The following SEPTIN9 variants were observed in gnomAD, a reference collection of about 807,000 sequenced individuals.
SEPTIN9 encodes septin 9, also known as septin-9.
In SEPTIN9, 13 loss-of-function variants were observed where a neutral mutation model predicts 56.6. The observed-to-expected ratio is 0.23, with a 90% CI of 0.15 to 0.37. The LOEUF (loss-of-function observed/expected upper bound fraction) is 0.37. Among genes scored for constraint, SEPTIN9 ranks in the 10% least tolerant of loss-of-function variants. The pLI is 1.00. For synonymous variants in SEPTIN9, 332 were observed against 334.1 expected (o/e 0.99, Z 0.07); for missense variants, 650 against 823.1 (o/e 0.79, Z 2.57).
intron 2 of SEPTIN9, among the ~76,000 whole-genome samples, chr17:77,320,916 C>T (rs962873484): frequency 1.2e-4 from 19 of 152,238 alleles, no homozygotes; most frequent in East Asian, 7.7e-4. Flanking sequence ...TGTCCATTCA[C>T]GCTGGCAGCC....
chr17:77,336,767 T>C (rs986931962), intron 2 of SEPTIN9, among the ~76,000 whole-genome samples: 3 of 152,186 alleles, frequency 2.0e-5, no homozygotes, highest in Non-Finnish European at 2.9e-5. Context: ...TGAATAGTAG[T>C]GATTAGTGGA....
At position 77,325,407 on chromosome 17, in the gene SEPTIN9, C is replaced by T. The variant is rs562169094; in HGVS notation, c.76+18210C>T. ...ACGCCCAGCTGGTTCCGCTGGGTGG[C>T]GGGGAGGAGTGGGGAAGTCCCGGGC... On this transcript the variant is annotated intron_variant, in intron 2 of 11. Coordinates refer to ENST00000427177, the MANE Select transcript of SEPTIN9 (RefSeq NM_001113491.2). Among the ~76,000 whole-genome samples the T allele has an allele frequency of 5.5e-4, 84 of 152,306 alleles. No homozygotes were observed. In the Middle Eastern group the frequency reaches 0.017, roughly 31 times the overall value.
intron 2 of SEPTIN9, among the ~76,000 whole-genome samples, chr17:77,350,855 A>G (rs1902133424): frequency 6.6e-6 from 1 of 152,186 alleles, no homozygotes; most frequent in South Asian, 2.1e-4. Flanking sequence ...CAGACCTTTT[A>G]TCAAACTTCC....
chr17:77,448,878 G>A (rs1458037115), intron 3 of SEPTIN9, among the ~76,000 whole-genome samples: 2 of 151,864 alleles, frequency 1.3e-5, no homozygotes, highest in Admixed American at 6.6e-5. Flanking sequence ...TTGCCTCCCA[G>A]GTTTGAGCGA....
rs149287892 is a variant in SEPTIN9, at chr17:77,372,570, C to T, written c.77-29489C>T. ...GTCTGCTCCTGACAAGGTCTACTTC[C>T]TGCTCTCAGGAGGCCCTTATTGTGG... is the stretch of plus-strand genomic sequence containing the variant. On this transcript the variant is annotated intron_variant, in intron 2 of 11. Coordinates refer to ENST00000427177, the MANE Select transcript of SEPTIN9 (RefSeq NM_001113491.2). 2.6e-4 allele frequency among the ~76,000 whole-genome samples: 40 copies of T among 152,354 alleles called. 1 individual carries two copies. The highest frequency in any genetic ancestry group is 5.6e-4 in the Non-Finnish European group (38 of 68,032).
intron 3 of SEPTIN9, chr17:77,446,786 C>T (rs1008498219): frequency 3.0e-5 from 5 of 167,094 alleles, no homozygotes; most frequent in Admixed American, 1.3e-4. Flanking sequence ...GTTATTCAGC[C>T]TACCCTAGGG....
At chr17:77,355,054 T>C (rs954122820) in intron 2 of SEPTIN9, among the ~76,000 whole-genome samples, 9 of 152,180 alleles carry the variant, frequency 5.9e-5, no homozygotes, top group African/African-American at 2.2e-4. Flanking sequence ...AGGATTAGAA[T>C]GCTTTTCTAC....
intron 1 of SEPTIN9, chr17:77,294,454 C>A (rs1249463446): frequency 1.9e-5 from 3 of 160,420 alleles, no homozygotes; most frequent in African/African-American, 7.2e-5. Context: ...AATGAATCTC[C>A]TTAGTTGATC....
chr17:77,304,864 G>A (rs1012238956), intron 1 of SEPTIN9, among the ~76,000 whole-genome samples: 9 of 152,178 alleles, frequency 5.9e-5, no homozygotes, highest in African/African-American at 1.9e-4. Context: ...GTGTGTGAAG[G>A]GGGTGCTCAT....
Position 77,450,851 on chromosome 17 carries a change from A to C in SEPTIN9, c.722-31293A>C, listed in dbSNP as rs2037937451. ...CCTTCTCCCTTCCATGGTCCCAGCC[A>C]GCAAGCACCTGGGGTAGAGGGGACA... On this transcript the variant is annotated intron_variant, in intron 3 of 11. Transcript: ENST00000427177. This position sits in a 1 kb window ranked among gnomAD's most constrained non-coding sequence, Gnocchi z 6.0. 1 of 973,468 alleles carries C rather than the reference A, an allele frequency of 1.0e-6. No homozygotes were observed. Among genetic ancestry groups the C allele is most frequent in the Non-Finnish European group, 1.2e-6 (1 of 819,006 alleles). The allele number at this position is 973,468 out of a possible 1,614,324, so 60.3% of individuals were successfully genotyped here.
At chr17:77,288,227 C>T in intron 1 of SEPTIN9, 1 of 1,042,684 alleles carries the variant, frequency 9.6e-7, no homozygotes, top group Non-Finnish European at 1.2e-6. Context: ...GCATTGCTCT[C>T]TTTCCGGCTC....
chr17:77,365,264 T>C (rs2034538240), intron 2 of SEPTIN9, among the ~76,000 whole-genome samples: 1 of 152,196 alleles, frequency 6.6e-6, no homozygotes, highest in South Asian at 2.1e-4. Flanking sequence ...TGTATTTTGC[T>C]CCCTTATTGA....
intron 3 of SEPTIN9, among the ~76,000 whole-genome samples, chr17:77,444,476 G>T (rs565558159): frequency 5.9e-5 from 9 of 152,030 alleles, no homozygotes; most frequent in Non-Finnish European, 8.8e-5. Context: ...TGGGGGTCGG[G>T]GAGGGGGGTG....
In SEPTIN9 at chr17:77,435,797, A is replaced by T. The variant is rs1247493069; in HGVS notation, c.721+33094A>T. ...CAGCATGTCGCCTTCATCCCAGGAC[A>T]GTGTGAATGCAGCAGCGCAAGCTTG... On this transcript the variant is annotated intron_variant, in intron 3 of 11. Transcript: ENST00000427177. This position sits in a 1 kb window ranked among gnomAD's most constrained non-coding sequence, Gnocchi z 4.5. Among the ~76,000 whole-genome samples, 1 of 152,186 alleles carries T rather than the reference A, an allele frequency of 6.6e-6. No individual in the cohort carries two copies. Among genetic ancestry groups the T allele is most frequent in the Non-Finnish European group, 1.5e-5 (1 of 68,030 alleles).
At position 77,457,610 on chromosome 17, in the gene SEPTIN9, C is replaced by T. The variant is rs1290402084; in HGVS notation, c.722-24534C>T. ...GACCAAGAGTGGAGAAAAGGCAAGACCCCTCCTCCCAGTCTTCCAGAACAG... is the reference window on the plus strand; with the variant it reads ...GACCAAGAGTGGAGAAAAGGCAAGATCCCTCCTCCCAGTCTTCCAGAACAG... On this transcript the variant is annotated intron_variant, in intron 3 of 11. Coordinates refer to ENST00000427177, the MANE Select transcript of SEPTIN9 (RefSeq NM_001113491.2). Among the ~76,000 whole-genome samples the T allele has an allele frequency of 2.6e-5, 4 of 152,350 alleles. No homozygotes were observed. The South Asian group carries it at 6.2e-4, about 24-fold the overall frequency.
At chr17:77,481,643 C>T (rs2039460896) in intron 3 of SEPTIN9, among the ~76,000 whole-genome samples, 1 of 152,206 alleles carries the variant, frequency 6.6e-6, no homozygotes, top group African/African-American at 2.4e-5. Flanking sequence ...TGTCTTGGCT[C>T]GTGGATCGGC....
chr17:77,336,998 G>GTTTTT (rs61414789), intron 2 of SEPTIN9, among the ~76,000 whole-genome samples: 1 of 128,484 alleles, frequency 7.8e-6, no homozygotes, highest in Non-Finnish European at 1.6e-5. Context: ...TTTGCCCCCC[G>GTTTTT]TTTTTTTTTT....
intron 3 of SEPTIN9, among the ~76,000 whole-genome samples, chr17:77,464,025 T>C (rs1468034719): frequency 6.6e-6 from 1 of 152,154 alleles, no homozygotes; most frequent in African/African-American, 2.4e-5. Flanking sequence ...ATGACTCTGT[T>C]GTTTTGCTTA....
At position 77,441,546 on chromosome 17, in the gene SEPTIN9, A is replaced by T. The variant is rs371035504; in HGVS notation, c.721+38843A>T. 2.5e-4 allele frequency among the ~76,000 whole-genome samples: 38 copies of T among 151,248 alleles called. No homozygotes were observed. In the East Asian group the frequency reaches 3.3e-3, roughly 13 times the overall value. The stretch of plus-strand genomic sequence containing the variant: ...AGGAAGTTTGAGCAACAGCCTGTCA[A>T]GCACCCATACAGCAGGTGGTTTCAT... On this transcript the variant is annotated intron_variant, in intron 3 of 11. Transcript: ENST00000427177.
Sources: gnomAD v4.1 joint callset for allele counts (sites outside exome capture counted in the v4.1 genomes callset) on GRCh38, gnomAD v4.1.1 for gene constraint, Gnocchi (gnomAD v3.1) non-coding constraint, MANE v1.5 for transcripts, NCBI Gene and HGNC (gene_info 2026-07-23, HGNC 2026-07-21) for gene names.